Variants in CECR2 observed in about 807,000 individuals in gnomAD.
CECR2 encodes chromatin remodeling regulator CECR2.
In CECR2, 30 loss-of-function variants were observed where a neutral mutation model predicts 154.5. That is an observed-to-expected ratio of 0.19 (90% CI 0.15 to 0.26). CECR2 has a LOEUF of 0.26. Ranked by LOEUF, CECR2 falls within the 10% of genes least tolerant of loss-of-function variation. The pLI is 1.00. For synonymous variants in CECR2, 725 were observed against 683.7 expected (o/e 1.06, Z -0.94); for missense variants, 1,743 against 1,829.3 (o/e 0.95, Z 0.86).
intron 1 of CECR2, among the ~76,000 whole-genome samples, chr22:17,476,366 G>A (rs1383261332): frequency 6.6e-6 from 1 of 151,900 alleles, no homozygotes; most frequent in Admixed American, 6.6e-5. Flanking sequence ...CTGGTTTCAA[G>A]CGATTCTTGT....
At chr22:17,416,926 T>A (rs1335368764) in intron 1 of CECR2, among the ~76,000 whole-genome samples, 1 of 152,220 alleles carries the variant, frequency 6.6e-6, no homozygotes, top group Non-Finnish European at 1.5e-5. Context: ...TGCACATTTA[T>A]GATTATTTCC....
At position 17,548,966 on chromosome 22, in the gene CECR2, G is replaced by T. The variant is rs560216294; in HGVS notation, c.3679G>T (p.Ala1227Ser). The T allele has an allele frequency of 2.0e-4, 323 of 1,613,822 alleles. No individual in the cohort carries two copies. The highest frequency in any genetic ancestry group is 2.6e-4 in the Non-Finnish European group (311 of 1,179,894). ...CCAGGGAAGCCCAAGCGGACCCCCA[G>T]CCAGTCAGCCTCCCCCACCAAGGTC... ...HPQGSPSGPPASQPPPPRSLF... is the reference protein window; with the variant it reads ...HPQGSPSGPPSSQPPPPRSLF... The change falls in exon 17 of 19, where the codon GCC becomes TCC. Residue 1227 changes from alanine to serine, a missense_variant. Ala to Ser is a moderately conservative substitution (Grantham distance 99, BLOSUM62 1). This residue lies in a region of CECR2 where 1,250 missense variants were observed against 1,192.1 expected (regional missense o/e 1.05). Coordinates refer to ENST00000262608, the MANE Select transcript of CECR2 (RefSeq NM_001290047.2).
chr22:17,535,972 G>A (rs1467867336), intron 9 of CECR2, among the ~76,000 whole-genome samples: 1 of 152,158 alleles, frequency 6.6e-6, no homozygotes, highest in African/African-American at 2.4e-5. Context: ...GCTCAGGCCA[G>A]GCACCATGGC....
intron 1 of CECR2, among the ~76,000 whole-genome samples, chr22:17,451,207 C>G (rs1275128339): frequency 6.6e-6 from 1 of 152,206 alleles, no homozygotes; most frequent in Non-Finnish European, 1.5e-5. Context: ...GGGGCATAGA[C>G]TCAAGTTGCC....
intron 2 of CECR2, among the ~76,000 whole-genome samples, chr22:17,491,740 T>C (rs1020554568): frequency 1.2e-4 from 19 of 152,204 alleles, no homozygotes; most frequent in African/African-American, 4.3e-4. Flanking sequence ...ATTAAAAAAA[T>C]AGCCTTTATC....
intron 1 of CECR2, among the ~76,000 whole-genome samples, chr22:17,472,124 G>A (rs1168413186): frequency 3.3e-5 from 5 of 152,306 alleles, no homozygotes; most frequent in East Asian, 1.9e-4. Flanking sequence ...GCAGCAACAC[G>A]GACCTGGCCA....
chr22:17,362,496 T>C (rs1288189122), intron 1 of CECR2, among the ~76,000 whole-genome samples: 5 of 152,202 alleles, frequency 3.3e-5, no homozygotes, highest in Non-Finnish European at 7.3e-5. Flanking sequence ...AAATATACAA[T>C]ATAGTATACA....
chr22:17,497,058 C>T (rs1418195071), intron 2 of CECR2, among the ~76,000 whole-genome samples: 1 of 152,192 alleles, frequency 6.6e-6, no homozygotes, highest in African/African-American at 2.4e-5. Context: ...CTTTGGGAAG[C>T]CAAGGCGGGC....
At chr22:17,490,546 T>C (rs759308475) in intron 2 of CECR2, among the ~76,000 whole-genome samples, 35 of 152,172 alleles carry the variant, frequency 2.3e-4, no homozygotes, top group Non-Finnish European at 2.2e-4. Context: ...GCAATTCTCC[T>C]GCATCAGCCT....
chr22:17,431,039 G>A (rs1367461158), intron 1 of CECR2, among the ~76,000 whole-genome samples: 1 of 152,132 alleles, frequency 6.6e-6, no homozygotes, highest in African/African-American at 2.4e-5. Flanking sequence ...GAATCTTGGT[G>A]AACCTGACAG....
chr22:17,423,184 T>C (rs1208807860), intron 1 of CECR2, among the ~76,000 whole-genome samples: 1 of 152,088 alleles, frequency 6.6e-6, no homozygotes, highest in African/African-American at 2.4e-5. Flanking sequence ...TAGGATTAGG[T>C]CTCAGCCTTT....
intron 5 of CECR2, among the ~76,000 whole-genome samples, chr22:17,502,804 AAAAAAT>A (rs2055762995): frequency 6.6e-6 from 1 of 152,204 alleles, no homozygotes; most frequent in South Asian, 2.1e-4. Flanking sequence ...CTCCGTCTCA[AAAAAAT>A]AAAAATAAAA....
chr22:17,406,615 T>A (rs2053988988), intron 1 of CECR2, among the ~76,000 whole-genome samples: 1 of 152,172 alleles, frequency 6.6e-6, no homozygotes. Context: ...TTCAGAGACT[T>A]CTTTATCTTT....
At chr22:17,363,863 G>C (rs2062988577) in intron 1 of CECR2, among the ~76,000 whole-genome samples, 1 of 152,106 alleles carries the variant, frequency 6.6e-6, no homozygotes, top group African/African-American at 2.4e-5. Flanking sequence ...TTGAACTCCT[G>C]GGTTCAAGTG....
At chr22:17,511,753 T>G (rs2055958818) in intron 7 of CECR2, 60 bp from the exon 8 acceptor site, 46 of 1,404,284 alleles carry the variant, frequency 3.3e-5, no homozygotes, top group Admixed American at 7.2e-5. Context: ...AGCAGCAGCA[T>G]CAGTAGTTGA....
chr22:17,380,886 A>G (rs1360399865), intron 1 of CECR2, among the ~76,000 whole-genome samples: 3 of 152,202 alleles, frequency 2.0e-5, no homozygotes, highest in Non-Finnish European at 4.4e-5. Context: ...TCATTGTCTC[A>G]GCAACAATGG....
At chr22:17,421,961 A>G (rs1249443418) in intron 1 of CECR2, among the ~76,000 whole-genome samples, 3 of 151,970 alleles carry the variant, frequency 2.0e-5, no homozygotes, top group Admixed American at 6.6e-5. Flanking sequence ...TCACTACACA[A>G]GGATTCTTTG....
chr22:17,400,175 A>AT (rs1446875496), intron 1 of CECR2, among the ~76,000 whole-genome samples: 1 of 152,200 alleles, frequency 6.6e-6, no homozygotes, highest in Non-Finnish European at 1.5e-5. Context: ...TGACTTAGGA[A>AT]TTGGGTAATA....
chr22:17,483,340 G>A (rs2146818781), intron 2 of CECR2, among the ~76,000 whole-genome samples: 1 of 152,338 alleles, frequency 6.6e-6, no homozygotes, highest in South Asian at 2.1e-4. Flanking sequence ...TGAGAGGACG[G>A]TTTGAGGCCA....
Sources: allele counts gnomAD v4.1 joint callset (sites outside exome capture counted in the v4.1 genomes callset), GRCh38; gene constraint gnomAD v4.1.1; regional missense constraint gnomAD v4.1.1; transcripts MANE v1.5; gene names NCBI Gene and HGNC (gene_info 2026-07-23, HGNC 2026-07-21).